Variants in DNAJC7 observed in about 807,000 individuals in gnomAD.
DNAJC7 encodes the protein dnaJ homolog subfamily C member 7.
A neutral mutation model predicts 67.4 loss-of-function variants in DNAJC7; 18 were observed. The observed-to-expected ratio is 0.27, with a 90% CI of 0.18 to 0.40. The LOEUF (loss-of-function observed/expected upper bound fraction) is 0.40. Among genes scored for constraint, DNAJC7 ranks in the 10% least tolerant of loss-of-function variants. The pLI, the probability that DNAJC7 is intolerant of heterozygous loss-of-function variation, is 1.00. For synonymous variants in DNAJC7, 220 were observed against 207.8 expected (o/e 1.06, Z -0.50); for missense variants, 419 against 613.8 (o/e 0.68, Z 3.35).
rs782217857 is a variant in DNAJC7 at position 42,000,460 on chromosome 17, G to A, written c.166+22C>T. The A allele has an allele frequency of 1.1e-4, 168 of 1,541,768 alleles. 3 individuals carry two copies. The Admixed American group carries it at 2.4e-3, about 22-fold the overall frequency. ...ATTTGGCAAGTAAATGTTTTCTAGC[G>A]TAAGTATCAGTTCTTTCTCACCTAT... On this transcript the variant is annotated intron_variant, in intron 2 of 13. Transcript: ENST00000457167.
chr17:41,978,559 C>T (rs1434990515), intron 12 of DNAJC7, among the ~76,000 whole-genome samples: 2 of 152,150 alleles, frequency 1.3e-5, no homozygotes, highest in African/African-American at 4.8e-5. Flanking sequence ...GTCCACAGTG[C>T]CCCTACTTAA....
intron 2 of DNAJC7, among the ~76,000 whole-genome samples, chr17:41,998,956 T>C (rs797035489): frequency 3.9e-5 from 6 of 152,046 alleles, no homozygotes; most frequent in African/African-American, 1.4e-4. Context: ...GAGGCCAAGG[T>C]AGGAGGATCG....
At chr17:41,978,788 G>C (rs1041455711) in intron 12 of DNAJC7, among the ~76,000 whole-genome samples, 6 of 152,232 alleles carry the variant, frequency 3.9e-5, no homozygotes, top group African/African-American at 1.4e-4. Context: ...GCTAAGGCAG[G>C]AGAATGGCGT....
chr17:41,983,620 G>T lies in DNAJC7; in HGVS notation c.1027C>A (p.Gln343Lys). ...RRAQCYMDTE[Q>K]YEEAVRDYEK... is the part of the protein sequence containing the mutation. ...TAGTCTCGTACTGCTTCTTCATACT[G>T]TTCTGTGTCCATGTAACTGAGAAGG... Residue 343 changes from glutamine to lysine, a missense_variant, in exon 10 of 14, where the codon CAG becomes AAG. Around this residue, in one of 4 missense-constraint regions of DNAJC7, gnomAD observed 161 missense variants for 252.2 expected, o/e 0.64. Coordinates refer to ENST00000457167, the MANE Select transcript of DNAJC7 (RefSeq NM_003315.4). 6.2e-7 allele frequency: 1 copy of T among 1,603,348 alleles called. No individual in the cohort carries two copies. Among genetic ancestry groups the T allele is most frequent in the African/African-American group, 1.3e-5 (1 of 74,938 alleles).
chr17:41,986,761 C>T, intron 9 of DNAJC7, among the ~76,000 whole-genome samples: 1 of 152,084 alleles, frequency 6.6e-6, no homozygotes, highest in East Asian at 1.9e-4. Flanking sequence ...ACTTAGTCAT[C>T]AACTTAGAAA....
At chr17:42,008,860 A>G (rs2052044176) in intron 1 of DNAJC7, among the ~76,000 whole-genome samples, 1 of 152,096 alleles carries the variant, frequency 6.6e-6, no homozygotes, top group African/African-American at 2.4e-5. Flanking sequence ...GGGCCCCACT[A>G]CCATGCCTGG....
At chr17:41,997,650 A>G (rs2051697681) in intron 2 of DNAJC7, among the ~76,000 whole-genome samples, 1 of 152,002 alleles carries the variant, frequency 6.6e-6, no homozygotes, top group South Asian at 2.1e-4. Context: ...CCTCCAAACA[A>G]TGTTAAGGGA....
intron 3 of DNAJC7, 25 bp downstream of exon 3, chr17:41,997,090 C>A: frequency 6.2e-7 from 1 of 1,613,552 alleles, no homozygotes; most frequent in South Asian, 1.1e-5. Context: ...CCAGCCTTCC[C>A]CAAACAGCCC....
chr17:41,994,507 GAGACT>G (rs2051602633), intron 5 of DNAJC7, among the ~76,000 whole-genome samples: 1 of 128,312 alleles, frequency 7.8e-6, no homozygotes, highest in East Asian at 2.4e-4. Context: ...GTGACAGAGT[GAGACT>G]AGGCCTCAAA....
Position 41,983,560 on chromosome 17 carries a change from T to C in DNAJC7, c.1084+3A>G, listed in dbSNP as rs370163280. ...CCTAAAAAACAAATGCTTTTAAACT[T>C]ACCTTTTGTTTTCTCTGTCTGGTAT... is the stretch of plus-strand genomic sequence containing the variant. On this transcript the variant is annotated splice_donor_region_variant and intron_variant, in intron 10 of 13. Coordinates refer to ENST00000457167, the MANE Select transcript of DNAJC7 (RefSeq NM_003315.4). 3.7e-5 allele frequency: 59 copies of C among 1,581,752 alleles called. 1 individual carries two copies. The highest frequency in any genetic ancestry group is 2.8e-4 in the Admixed American group (15 of 54,066).
chr17:41,983,772 A>C, intron 9 of DNAJC7, 136 bp from the exon 10 acceptor site: 1 of 641,472 alleles, frequency 1.6e-6, no homozygotes, highest in African/African-American at 1.9e-5. Flanking sequence ...AGGAGCCCTT[A>C]ATCTAGCAGT....
intron 4 of DNAJC7, among the ~76,000 whole-genome samples, chr17:41,995,343 G>A (rs561034519): frequency 6.6e-6 from 1 of 152,312 alleles, no homozygotes; most frequent in South Asian, 2.1e-4. Context: ...GAACACAAGT[G>A]TTATGCTTGA....
At position 41,988,816 on chromosome 17, in the gene DNAJC7, C is replaced by A. The variant is rs782356570; in HGVS notation, c.834G>T (p.Leu278=). The part of the protein sequence containing the change: ...KEGNYKLAYE[L]YTEALGIDPN... ...GGTCTATCCCCAGGGCTTCTGTGTA[C>A]AGTTCATATGCTAGTTTGTAATTTC... Residue 278 remains leucine, a synonymous_variant, in exon 8 of 14, where the codon CTG becomes CTT. Transcript: ENST00000457167. 6.2e-7 allele frequency: 1 copy of A among 1,613,820 alleles called. No homozygotes were observed. The highest frequency in any genetic ancestry group is 8.5e-7 in the Non-Finnish European group (1 of 1,179,824).
intron 1 of DNAJC7, among the ~76,000 whole-genome samples, chr17:42,007,481 T>G (rs2051997651): frequency 6.6e-6 from 1 of 152,308 alleles, no homozygotes; most frequent in South Asian, 2.1e-4. Flanking sequence ...CTAACTTCTA[T>G]TCCATCTTAC....
At chr17:41,982,195 T>C in intron 11 of DNAJC7, 60 bp downstream of exon 11, 1 of 1,605,316 alleles carries the variant, frequency 6.2e-7, no homozygotes, top group African/African-American at 1.3e-5. Context: ...GGACTGAGTG[T>C]GGCAGTTGGC....
intron 5 of DNAJC7, among the ~76,000 whole-genome samples, chr17:41,991,642 G>A (rs1443958338): frequency 6.6e-6 from 1 of 152,116 alleles, no homozygotes; most frequent in African/African-American, 2.4e-5. Flanking sequence ...AGTTTGAGGG[G>A]ACACTCATCA....
chr17:42,004,533 A>C (rs1423156244), intron 1 of DNAJC7, among the ~76,000 whole-genome samples: 1 of 152,174 alleles, frequency 6.6e-6, no homozygotes, highest in Non-Finnish European at 1.5e-5. Context: ...CCACCAATCC[A>C]GTCTTTTCAT....
In DNAJC7 at chr17:41,994,814, C is replaced by A. The variant is rs1015980349; in HGVS notation, c.480+56G>T. 8.0e-6 allele frequency: 12 copies of A among 1,491,620 alleles called. No homozygotes were observed. The East Asian group carries it at 2.3e-4, about 28-fold the overall frequency. 92.4% of individuals were successfully genotyped at this position (1,491,620 alleles called of 1,614,324 possible). A position where few individuals can be genotyped will look rare whatever the true frequency, so the allele number is the denominator to read the frequency against. ...TCCTCTTAATTATCACACACACACA[C>A]GAATGGGAATTTTGCGACAAAGAGC... On this transcript the variant is annotated intron_variant, in intron 5 of 13. Transcript: ENST00000457167.
chr17:42,014,237 G>C (rs568905449), intron 1 of DNAJC7: 13 of 146,820 alleles, frequency 8.9e-5, no homozygotes, highest in Admixed American at 2.7e-4. Flanking sequence ...GTGTGACCTT[G>C]GCTCACTGCA....
Sources: gnomAD v4.1 joint callset for allele counts (sites outside exome capture counted in the v4.1 genomes callset) on GRCh38, gnomAD v4.1.1 for gene constraint, gnomAD v4.1.1 regional missense constraint, MANE v1.5 for transcripts, NCBI Gene and HGNC (gene_info 2026-07-23, HGNC 2026-07-21) for gene names.